PRICKLE2: variants seen among roughly 807,000 people sequenced by gnomAD.
PRICKLE2 encodes the protein prickle-like protein 2.
PRICKLE2 carries 21 observed loss-of-function variants against 81.4 expected under a neutral mutation model. The observed-to-expected ratio is 0.26, with a 90% CI of 0.18 to 0.37. The LOEUF is 0.37. Among genes scored for constraint, PRICKLE2 ranks in the 10% least tolerant of loss-of-function variants. The pLI, the probability that PRICKLE2 is intolerant of heterozygous loss-of-function variation, is 1.00. For missense variants in PRICKLE2, 940 were observed against 1,109.0 expected, an observed-to-expected ratio of 0.85 and a Z score of 2.16; for synonymous variants, 456 against 421.5, an observed-to-expected ratio of 1.08 and a Z score of -1.00.
intron 1 of PRICKLE2, among the ~76,000 whole-genome samples, chr3:64,202,645 C>CGTGTGTCTGT (rs2078606545): frequency 6.7e-6 from 1 of 149,326 alleles, no homozygotes; most frequent in Admixed American, 6.7e-5. Flanking sequence ...TACTTGTGTG[C>CGTGTGTCTGT]GTGTGTGTGT....
chr3:64,108,596 C>T (rs932675422), intron 7 of PRICKLE2, among the ~76,000 whole-genome samples: 9 of 152,120 alleles, frequency 5.9e-5, no homozygotes, highest in Non-Finnish European at 7.3e-5. Flanking sequence ...GGACCAGCCA[C>T]GATGCCATCC....
chr3:64,192,651 G>A (rs2078364980), intron 2 of PRICKLE2, among the ~76,000 whole-genome samples: 2 of 152,088 alleles, frequency 1.3e-5, no homozygotes, highest in Non-Finnish European at 2.9e-5. Flanking sequence ...GGGTAGTACT[G>A]GATGTTCTAT....
At chr3:64,165,180 C>T (rs151236206) in intron 2 of PRICKLE2, among the ~76,000 whole-genome samples, 19 of 152,140 alleles carry the variant, frequency 1.2e-4, no homozygotes, top group African/African-American at 4.6e-4. Flanking sequence ...TACTCACATA[C>T]CCCCTGTCCA....
At chr3:64,268,072 G>C (rs1057369236) in intron 2 of PRICKLE2, 2 of 152,276 alleles carry the variant, frequency 1.3e-5, no homozygotes, top group Admixed American at 1.3e-4. Context: ...CCCTGCAGGG[G>C]CTCCGCACAA....
Position 64,236,112 on chromosome 3 carries a change from A to G in PRICKLE2, c.129-37145T>C, listed in dbSNP as rs552137384. On this transcript the variant is annotated intron_variant, in intron 2 of 8. Coordinates refer to the PRICKLE2 transcript ENST00000295902. ...TAAAAGGTTGCTTATATTTTAAAAT[A>G]ATTTTCGGCAAATGATTGTTTTGTT... Among the ~76,000 whole-genome samples the G allele has an allele frequency of 2.6e-5, 4 of 152,292 alleles. No individual in the cohort carries two copies. In the South Asian group the frequency reaches 8.3e-4, roughly 32 times the overall value.
chr3:64,256,223 G>A (rs1388291256), intron 2 of PRICKLE2, among the ~76,000 whole-genome samples: 1 of 152,134 alleles, frequency 6.6e-6, no homozygotes, highest in East Asian at 1.9e-4. Flanking sequence ...TTTCTATATG[G>A]CCCAGGAGCT....
At chr3:64,118,948 T>C (rs1422234072) in intron 7 of PRICKLE2, among the ~76,000 whole-genome samples, 1 of 152,160 alleles carries the variant, frequency 6.6e-6, no homozygotes, top group Non-Finnish European at 1.5e-5. Flanking sequence ...CTATTCACAC[T>C]AGCGAAGACA....
At chr3:64,104,856 G>C (rs541341951) in intron 7 of PRICKLE2, 5 of 152,318 alleles carry the variant, frequency 3.3e-5, no homozygotes, top group Admixed American at 6.5e-5. Flanking sequence ...GGGTCTTCTT[G>C]CATGCAGGGC....
At chr3:64,170,402 C>A (rs571730185) in intron 2 of PRICKLE2, among the ~76,000 whole-genome samples, 68 of 152,324 alleles carry the variant, frequency 4.5e-4, no homozygotes, top group Non-Finnish European at 7.6e-4. Flanking sequence ...TTTTCCACCA[C>A]CCCTGCAGGA....
intron 7 of PRICKLE2, among the ~76,000 whole-genome samples, chr3:64,139,100 T>G (rs1198753332): frequency 6.6e-6 from 1 of 152,248 alleles, no homozygotes; most frequent in Non-Finnish European, 1.5e-5. Context: ...TTTCCCAGTT[T>G]GTCAGCAATG....
upstream of PRICKLE2, among the ~76,000 whole-genome samples, chr3:64,228,754 T>G (rs2079062749): frequency 6.6e-6 from 1 of 152,216 alleles, no homozygotes; most frequent in Admixed American, 6.5e-5. Context: ...TAGGGATTTG[T>G]GAAGCGGAGG....
intron 2 of PRICKLE2, among the ~76,000 whole-genome samples, chr3:64,252,201 T>C (rs755064880): frequency 6.6e-6 from 1 of 152,136 alleles, no homozygotes; most frequent in Non-Finnish European, 1.5e-5. Flanking sequence ...AACAGGAAAC[T>C]AAAAATGAAA....
chr3:64,141,063 G>A (rs1400300313), intron 7 of PRICKLE2, among the ~76,000 whole-genome samples: 1 of 152,176 alleles, frequency 6.6e-6, no homozygotes, highest in Non-Finnish European at 1.5e-5. Context: ...TATGTAAAAT[G>A]GGTATAATGA....
At chr3:64,199,211 T>C (rs1294069790) in intron 1 of PRICKLE2, 1 of 594,600 alleles carries the variant, frequency 1.7e-6, no homozygotes, top group Non-Finnish European at 3.0e-6. Context: ...GGTGTTTACA[T>C]GTGGACCCCA....
intron 7 of PRICKLE2, among the ~76,000 whole-genome samples, chr3:64,122,266 T>G (rs2077039444): frequency 6.6e-6 from 1 of 152,118 alleles, no homozygotes; most frequent in African/African-American, 2.4e-5. Flanking sequence ...CTGTCATTAG[T>G]CAAAACCTGC....
At chr3:64,182,501 A>T (rs1575630748) in intron 2 of PRICKLE2, 1 of 31,528 alleles carries the variant, frequency 3.2e-5, no homozygotes, top group African/African-American at 7.2e-5. Flanking sequence ...TCTCAGAAAG[A>T]AAAAAAAAAA....
chr3:64,159,239 C>T (rs535249544), intron 4 of PRICKLE2, among the ~76,000 whole-genome samples: 30 of 152,234 alleles, frequency 2.0e-4, no homozygotes, highest in East Asian at 3.9e-4. Flanking sequence ...CAACATGACT[C>T]GGAAGGGCTT....
In PRICKLE2 at chr3:64,098,873, C is replaced by T. The variant is rs2076607131; in HGVS notation, c.*178G>A. 1.5e-6 allele frequency: 1 copy of T among 678,374 alleles called. No individual in the cohort carries two copies. The allele number at this position is 678,374 out of a possible 1,614,324, so 42.0% of individuals were successfully genotyped here. A position where few individuals can be genotyped will look rare whatever the true frequency, so the allele number is the denominator to read the frequency against. On this transcript the variant is annotated 3_prime_UTR_variant, in exon 8 of 8. Transcript: ENST00000638394. ...AAATGTGCAAATAATATTCAACATG[C>T]CAAGAACTGTGACTACCTATTGAGT...
intron 1 of PRICKLE2, among the ~76,000 whole-genome samples, chr3:64,204,172 C>G (rs947535551): frequency 6.6e-6 from 1 of 152,082 alleles, no homozygotes; most frequent in African/African-American, 2.4e-5. Context: ...ACATAACAAG[C>G]CTTTCAATCA....
Sources: gnomAD v4.1 joint callset for allele counts (sites outside exome capture counted in the v4.1 genomes callset) on GRCh38, gnomAD v4.1.1 for gene constraint, MANE v1.5 for transcripts, NCBI Gene and HGNC (gene_info 2026-07-23, HGNC 2026-07-21) for gene names.